Variants in KIAA0232 observed in about 807,000 individuals in gnomAD.
KIAA0232 encodes uncharacterized protein KIAA0232.
KIAA0232 carries 27 observed loss-of-function variants against 122.0 expected under a neutral mutation model. The ratio of observed to expected loss-of-function variants is 0.22; its 90% CI spans 0.16 to 0.31. KIAA0232 has a LOEUF of 0.31. Among genes scored for constraint, KIAA0232 ranks in the 10% least tolerant of loss-of-function variants. The probability of loss-of-function intolerance (pLI) is 1.00; values close to 1 mark genes in which losing one functional copy is unlikely to be tolerated. For missense variants in KIAA0232, 1,551 were observed against 1,634.2 expected (o/e 0.95, Z 0.88); for synonymous variants, 613 against 587.6 (o/e 1.04, Z -0.63).
intron 7 of KIAA0232, among the ~76,000 whole-genome samples, chr4:6,866,489 C>T (rs544964001): frequency 6.6e-6 from 1 of 152,276 alleles, no homozygotes; most frequent in East Asian, 1.9e-4. Flanking sequence ...CAGTTTGGGG[C>T]CAGCCTGGGA....
intron 7 of KIAA0232, 24 bp from the exon 8 acceptor site, chr4:6,871,550 C>T (rs1359965313): frequency 1.5e-6 from 2 of 1,316,990 alleles, no homozygotes; most frequent in Admixed American, 2.0e-5. Context: ...TAAACTTTTT[C>T]TGTATTTGGT....
intron 3 of KIAA0232, among the ~76,000 whole-genome samples, chr4:6,829,163 G>T (rs145377737): frequency 6.6e-6 from 1 of 151,898 alleles, no homozygotes; most frequent in Non-Finnish European, 1.5e-5. Context: ...ATATTTCCTC[G>T]TATCTTTAGA....
intron 8 of KIAA0232, among the ~76,000 whole-genome samples, chr4:6,873,577 G>A (rs866938573): frequency 2.0e-5 from 3 of 152,154 alleles, no homozygotes; most frequent in Non-Finnish European, 4.4e-5. Context: ...TGTTTCTTTA[G>A]TAAAGGGCAA....
At chr4:6,791,759 ATTAT>A (rs1162627702) in intron 1 of KIAA0232, among the ~76,000 whole-genome samples, 2 of 152,142 alleles carry the variant, frequency 1.3e-5, no homozygotes, top group Non-Finnish European at 2.9e-5. Flanking sequence ...TTCTTGTGTC[ATTAT>A]TTAAACAAAC....
At chr4:6,853,896 T>C (rs900568104) in intron 4 of KIAA0232, among the ~76,000 whole-genome samples, 6 of 152,136 alleles carry the variant, frequency 3.9e-5, no homozygotes, top group Non-Finnish European at 5.9e-5. Context: ...CCAGTTGCTG[T>C]GTTTGACCAA....
intron 1 of KIAA0232, among the ~76,000 whole-genome samples, chr4:6,801,715 C>T (rs900783580): frequency 6.6e-6 from 1 of 151,774 alleles, no homozygotes; most frequent in South Asian, 2.1e-4. Flanking sequence ...AAGTGGCTTA[C>T]AGTGCTTAGG....
At chr4:6,812,044 G>A (rs903647767) in intron 2 of KIAA0232, among the ~76,000 whole-genome samples, 1 of 152,068 alleles carries the variant, frequency 6.6e-6, no homozygotes, top group African/African-American at 2.4e-5. Flanking sequence ...ATGTTTTCCA[G>A]TTCTCTCAAA....
At chr4:6,803,204 C>T (rs1717467313) in intron 1 of KIAA0232, among the ~76,000 whole-genome samples, 2 of 141,568 alleles carry the variant, frequency 1.4e-5, no homozygotes, top group Admixed American at 1.4e-4. Flanking sequence ...AAAATGAGTG[C>T]ATATATATAT....
intron 6 of KIAA0232, among the ~76,000 whole-genome samples, chr4:6,859,111 A>AAAAC (rs1230225458): frequency 1.3e-5 from 2 of 151,452 alleles, no homozygotes; most frequent in South Asian, 2.1e-4. Context: ...AAAAAAAAAA[A>AAAAC]AAAAAAAAAA....
rs190892815 is a variant in KIAA0232 at position 6,847,837 on chromosome 4, T to G, written c.369+5633T>G. 8.0e-4 allele frequency among the ~76,000 whole-genome samples: 116 copies of G among 145,146 alleles called. 1 individual carries two copies. The highest frequency in any genetic ancestry group is 2.9e-4 in the Non-Finnish European group (19 of 66,164). ...ATATACCTGGTATTTGTTAAATATATGCAAACCACTCTTCATTTCCCCCTT... is the reference window on the plus strand; with the variant it reads ...ATATACCTGGTATTTGTTAAATATAGGCAAACCACTCTTCATTTCCCCCTT... On this transcript the variant is annotated intron_variant, in intron 4 of 9. Transcript: ENST00000307659.
At chr4:6,836,069 A>G (rs961523337) in intron 3 of KIAA0232, among the ~76,000 whole-genome samples, 9 of 152,182 alleles carry the variant, frequency 5.9e-5, no homozygotes, top group African/African-American at 2.2e-4. Flanking sequence ...GGTTGAACTA[A>G]TTTACAGTCC....
At chr4:6,836,534 TTTTTTTCTTTTC>T (rs1200805306) in intron 3 of KIAA0232, among the ~76,000 whole-genome samples, 7 of 149,094 alleles carry the variant, frequency 4.7e-5, no homozygotes, top group Admixed American at 3.3e-4. Context: ...TTTTCTTTTT[TTTTTTTCTTTTC>T]TTTTTTTTTT....
chr4:6,798,035 G>T (rs1440636081), intron 1 of KIAA0232, among the ~76,000 whole-genome samples: 2 of 151,524 alleles, frequency 1.3e-5, no homozygotes, highest in South Asian at 2.1e-4. Flanking sequence ...TCCAGCCTGG[G>T]TGACAGAGCC....
intron 1 of KIAA0232, among the ~76,000 whole-genome samples, chr4:6,790,994 C>T (rs1312774009): frequency 7.3e-6 from 1 of 137,170 alleles, no homozygotes; most frequent in Non-Finnish European, 1.5e-5. Context: ...TCTTGGCTTA[C>T]TGCAACCTCC....
chr4:6,840,106 G>C (rs553254038), intron 3 of KIAA0232, among the ~76,000 whole-genome samples: 1 of 152,162 alleles, frequency 6.6e-6, no homozygotes, highest in Admixed American at 6.5e-5. Context: ...TGTTAGGTTT[G>C]ATTCAGAGCT....
At chr4:6,845,108 A>G (rs1719882317) in intron 4 of KIAA0232, among the ~76,000 whole-genome samples, 1 of 152,190 alleles carries the variant, frequency 6.6e-6, no homozygotes, top group South Asian at 2.1e-4. Context: ...TCCAGCTTCC[A>G]GCCCAGCATG....
intron 4 of KIAA0232, among the ~76,000 whole-genome samples, chr4:6,854,042 GT>G (rs1205963426): frequency 1.3e-5 from 2 of 152,142 alleles, no homozygotes; most frequent in Non-Finnish European, 2.9e-5. Flanking sequence ...ATCCAGAGGG[GT>G]TTTGGTGGTA....
chr4:6,795,848 C>T (rs904345871), intron 1 of KIAA0232, among the ~76,000 whole-genome samples: 4 of 152,204 alleles, frequency 2.6e-5, no homozygotes, highest in Admixed American at 6.5e-5. Context: ...GCCTTGGCCT[C>T]CGCAAGTGCT....
chr4:6,846,324 C>G (rs1325680832), intron 4 of KIAA0232, among the ~76,000 whole-genome samples: 4 of 152,150 alleles, frequency 2.6e-5, no homozygotes, highest in Non-Finnish European at 5.9e-5. Flanking sequence ...GACCCCCGGG[C>G]CATGGACAGG....
Sources: gnomAD v4.1 joint callset for allele counts (sites outside exome capture counted in the v4.1 genomes callset) on GRCh38, gnomAD v4.1.1 for gene constraint, MANE v1.5 for transcripts, NCBI Gene and HGNC (gene_info 2026-07-23, HGNC 2026-07-21) for gene names.